Variants in RAD51B observed in about 807,000 individuals in gnomAD.
RAD51B encodes DNA repair protein RAD51 homolog 2.
A neutral mutation model predicts 42.2 loss-of-function variants in RAD51B; 38 were observed. The ratio of observed to expected loss-of-function variants is 0.90; its 90% CI spans 0.70 to 1.18. RAD51B has a LOEUF of 1.18. Ranked by LOEUF, RAD51B falls within the 50% of genes most tolerant of loss-of-function variation. The pLI is 0.00. For missense variants in RAD51B, 373 were observed against 400.7 expected, an observed-to-expected ratio of 0.93 and a Z score of 0.59; for synonymous variants, 154 against 145.2, an observed-to-expected ratio of 1.06 and a Z score of -0.43.
chr14:68,351,075 G>A (rs2139871703), intron 8 of RAD51B, among the ~76,000 whole-genome samples: 1 of 152,300 alleles, frequency 6.6e-6, no homozygotes, highest in African/African-American at 2.4e-5. Flanking sequence ...TGAGGTTGGG[G>A]ACAGTGGCAG....
intron 7 of RAD51B, among the ~76,000 whole-genome samples, chr14:68,087,767 A>G (rs2077007513): frequency 6.8e-6 from 1 of 147,746 alleles, no homozygotes; most frequent in African/African-American, 2.5e-5. Context: ...ATAAATAAGA[A>G]CTGATAGTAT....
chr14:67,946,588 G>C (rs2045402720), intron 7 of RAD51B, among the ~76,000 whole-genome samples: 1 of 152,166 alleles, frequency 6.6e-6, no homozygotes, highest in Non-Finnish European at 1.5e-5. Context: ...GGCTGGTCTT[G>C]AACTCCTGAC....
rs532300294 is a variant in RAD51B, at chr14:67,925,711, A to G, written c.756+38507A>G. On this transcript the variant is annotated intron_variant, in intron 7 of 10. Transcript: ENST00000471583. ...AGAGGTTCTTCTCCATAAGAGTCCT[A>G]CCCCTGCATCAAACTTCTGCCTGGG... 6.7e-4 allele frequency among the ~76,000 whole-genome samples: 102 copies of G among 152,252 alleles called. 1 individual carries two copies. The highest frequency in any genetic ancestry group is 2.1e-3 in the African/African-American group (87 of 41,550).
intron 7 of RAD51B, among the ~76,000 whole-genome samples, chr14:68,239,460 G>A (rs2080336976): frequency 2.0e-5 from 3 of 151,196 alleles, no homozygotes. Flanking sequence ...CAGTCATCCT[G>A]CTCCAGCCTC....
At chr14:68,621,258 C>T (rs1271400650) in intron 10 of RAD51B, among the ~76,000 whole-genome samples, 18 of 152,234 alleles carry the variant, frequency 1.2e-4, no homozygotes, top group Admixed American at 1.2e-3. Context: ...GAGAGAACCT[C>T]TATATTTTTC....
intron 7 of RAD51B, among the ~76,000 whole-genome samples, chr14:68,141,222 T>G (rs577359749): frequency 3.9e-5 from 6 of 152,214 alleles, no homozygotes; most frequent in Admixed American, 6.5e-5. Flanking sequence ...CATAAAAATG[T>G]TATTTATGAT....
chr14:68,384,072 C>G (rs2083538878), intron 8 of RAD51B, among the ~76,000 whole-genome samples: 1 of 152,196 alleles, frequency 6.6e-6, no homozygotes, highest in South Asian at 2.1e-4. Context: ...TCTATTTGTT[C>G]TGCTGAGTAA....
intron 10 of RAD51B, among the ~76,000 whole-genome samples, chr14:68,570,159 C>G (rs1889622585): frequency 2.0e-5 from 3 of 152,114 alleles, no homozygotes; most frequent in African/African-American, 7.2e-5. Context: ...CCAGTGGCTC[C>G]TGGGTCCCCA....
intron 7 of RAD51B, among the ~76,000 whole-genome samples, chr14:67,929,860 G>C (rs2044662383): frequency 6.6e-6 from 1 of 150,694 alleles, no homozygotes; most frequent in Non-Finnish European, 1.5e-5. Context: ...ATGTTTTCTA[G>C]GCTAGTCTTG....
intron 8 of RAD51B, among the ~76,000 whole-genome samples, chr14:68,342,578 CCTCT>C (rs908205884): frequency 2.6e-5 from 4 of 151,554 alleles, no homozygotes; most frequent in African/African-American, 7.3e-5. Context: ...TCTCTCTCTC[CCTCT>C]CTCTCTCTGT....
At chr14:67,968,921 A>C (rs367662742) in intron 7 of RAD51B, among the ~76,000 whole-genome samples, 9 of 152,308 alleles carry the variant, frequency 5.9e-5, no homozygotes, top group African/African-American at 2.2e-4. Flanking sequence ...GACTGGGAAG[A>C]AAAAGAGGTT....
At chr14:68,053,910 G>A (rs968924391) in intron 7 of RAD51B, among the ~76,000 whole-genome samples, 2 of 152,156 alleles carry the variant, frequency 1.3e-5, no homozygotes, top group Non-Finnish European at 2.9e-5. Context: ...TGATGTATAT[G>A]TGTGGTAGGT....
At chr14:68,181,905 T>C (rs1293928405) in intron 7 of RAD51B, among the ~76,000 whole-genome samples, 1 of 152,230 alleles carries the variant, frequency 6.6e-6, no homozygotes, top group East Asian at 1.9e-4. Flanking sequence ...CAATCTTATA[T>C]GCCTAATAAT....
intron 8 of RAD51B, among the ~76,000 whole-genome samples, chr14:68,382,406 T>A (rs563930709): frequency 2.0e-5 from 3 of 152,344 alleles, no homozygotes; most frequent in African/African-American, 7.2e-5. Context: ...ATCAGCGCCA[T>A]AAGATATTTT....
chr14:68,018,056 G>A (rs971190628), intron 7 of RAD51B, among the ~76,000 whole-genome samples: 1 of 152,170 alleles, frequency 6.6e-6, no homozygotes, highest in Non-Finnish European at 1.5e-5. Flanking sequence ...GTAGCTGATT[G>A]TCCCTTTAAA....
At chr14:68,555,574 TG>T (rs1336286606) in intron 10 of RAD51B, among the ~76,000 whole-genome samples, 1 of 152,192 alleles carries the variant, frequency 6.6e-6, no homozygotes, top group African/African-American at 2.4e-5. Context: ...TTCCTGCCTT[TG>T]GGGACAGCAG....
intron 5 of RAD51B, among the ~76,000 whole-genome samples, chr14:67,873,887 A>G (rs1309548474): frequency 5.7e-5 from 8 of 140,260 alleles, no homozygotes; most frequent in Non-Finnish European, 7.9e-5. Context: ...GAATTGAACA[A>G]TGAGAACACA....
At chr14:68,182,030 A>G (rs1480571604) in intron 7 of RAD51B, among the ~76,000 whole-genome samples, 1 of 152,256 alleles carries the variant, frequency 6.6e-6, no homozygotes, top group Admixed American at 6.5e-5. Flanking sequence ...GCCCTAGAGC[A>G]TCATGAGGTG....
At chr14:68,652,582 C>A (rs569795317) in intron 11 of RAD51B, among the ~76,000 whole-genome samples, 4 of 152,156 alleles carry the variant, frequency 2.6e-5, no homozygotes, top group African/African-American at 4.8e-5. Flanking sequence ...AGTTGTTTAT[C>A]CTCCTTCCTC....
Sources: allele counts gnomAD v4.1 joint callset (sites outside exome capture counted in the v4.1 genomes callset), GRCh38; gene constraint gnomAD v4.1.1; transcripts MANE v1.5; gene names NCBI Gene and HGNC (gene_info 2026-07-23, HGNC 2026-07-21).